Variants in ZNRF3 observed in about 807,000 individuals in gnomAD.
The protein encoded by ZNRF3 is E3 ubiquitin-protein ligase ZNRF3.
ZNRF3 carries 23 observed loss-of-function variants against 72.5 expected under a neutral mutation model. The ratio of observed to expected loss-of-function variants is 0.32; its 90% CI spans 0.23 to 0.45. The LOEUF is 0.45. Ranked by LOEUF, ZNRF3 falls within the 20% of genes least tolerant of loss-of-function variation. ZNRF3 has a pLI of 1.00. For synonymous variants in ZNRF3, 610 were observed against 545.3 expected, an observed-to-expected ratio of 1.12 and a Z score of -1.65; for missense variants, 1,169 against 1,272.1, an observed-to-expected ratio of 0.92 and a Z score of 1.23.
chr22:28,958,504 G>A lies in ZNRF3; in HGVS notation c.301-28572G>A, dbSNP rs139582102. Among the ~76,000 whole-genome samples the A allele has an allele frequency of 7.5e-3, 1,143 of 152,268 alleles. 20 individuals carry two copies. The highest frequency in any genetic ancestry group is 0.027 in the African/African-American group (1,106 of 41,534). On this transcript the variant is annotated intron_variant, in intron 1 of 8. Coordinates refer to ENST00000544604, the MANE Select transcript of ZNRF3 (RefSeq NM_001206998.2). ...TGGGTCCAGCTGACTGTTTCTTTGG[G>A]TCTATGACCTCCTGAGCCCAGGTTC...
At chr22:28,976,913 G>T (rs1460880767) in intron 1 of ZNRF3, among the ~76,000 whole-genome samples, 1 of 152,140 alleles carries the variant, frequency 6.6e-6, no homozygotes, top group East Asian at 1.9e-4. Context: ...CTAAGTGAGG[G>T]TTTGTAAAGT....
intron 2 of ZNRF3, among the ~76,000 whole-genome samples, chr22:29,021,471 C>T (rs1322466300): frequency 6.7e-6 from 1 of 149,244 alleles, no homozygotes; most frequent in African/African-American, 2.5e-5. Flanking sequence ...CAGATTCTCC[C>T]CTCACTCCTT....
chr22:28,942,609 C>T (rs137883552), intron 1 of ZNRF3, among the ~76,000 whole-genome samples: 6 of 152,298 alleles, frequency 3.9e-5, no homozygotes, highest in African/African-American at 9.6e-5. Flanking sequence ...GATTCTCTAG[C>T]GGTCTCTTAC....
chr22:29,036,943 C>T (rs1197821576), intron 2 of ZNRF3, among the ~76,000 whole-genome samples: 2 of 152,304 alleles, frequency 1.3e-5, no homozygotes, highest in Admixed American at 6.5e-5. Flanking sequence ...TTGGGGCTCC[C>T]ATATGTCTGC....
intron 2 of ZNRF3, among the ~76,000 whole-genome samples, chr22:29,005,898 G>C (rs2036234471): frequency 6.6e-6 from 1 of 152,110 alleles, no homozygotes; most frequent in South Asian, 2.1e-4. Flanking sequence ...AGCTGGGCGT[G>C]GTGGTGCATG....
chr22:28,968,155 C>T (rs1486737620), intron 1 of ZNRF3, among the ~76,000 whole-genome samples: 2 of 152,128 alleles, frequency 1.3e-5, no homozygotes, highest in Admixed American at 6.5e-5. Context: ...TATTTTTCTT[C>T]TTCCTCTACT....
intron 1 of ZNRF3, among the ~76,000 whole-genome samples, chr22:28,918,537 C>T (rs1216545642): frequency 6.7e-6 from 1 of 148,746 alleles, no homozygotes; most frequent in Admixed American, 6.7e-5. Context: ...TGCATGTGTG[C>T]GTGTGTGTGT....
At chr22:29,031,205 G>T (rs776445149) in intron 2 of ZNRF3, 4 of 152,246 alleles carry the variant, frequency 2.6e-5, no homozygotes, top group African/African-American at 4.8e-5. Flanking sequence ...TACTTTAAAA[G>T]AAACCAGATA....
chr22:29,050,788 C>T lies in ZNRF3; in HGVS notation c.2607C>T (p.Gly869=), dbSNP rs1217548633. Reference sequence around the variant, plus strand: ...CGGATACCCCACGGCCCCACAGGGGCCTGGGAGCAACCCGGGAAGAGGAGC... The same window carrying T: ...CGGATACCCCACGGCCCCACAGGGGTCTGGGAGCAACCCGGGAAGAGGAGC... ...RGPDTPRPHR[G]LGATREEERA... is the part of the protein sequence containing the mutation. Residue 869 remains glycine, a synonymous_variant, in exon 8 of 9, where the codon GGC becomes GGT. Coordinates refer to ENST00000544604, the MANE Select transcript of ZNRF3 (RefSeq NM_001206998.2). 1 of 1,607,848 alleles carries T rather than the reference C, an allele frequency of 6.2e-7. No individual in the cohort carries two copies.
At chr22:29,043,042 G>T (rs572771814) in intron 3 of ZNRF3, among the ~76,000 whole-genome samples, 6 of 152,172 alleles carry the variant, frequency 3.9e-5, no homozygotes, top group Non-Finnish European at 7.4e-5. Flanking sequence ...CAAAGTGCTG[G>T]GATTATAGGC....
chr22:29,021,396 G>T (rs2036536984), intron 2 of ZNRF3, among the ~76,000 whole-genome samples: 1 of 152,076 alleles, frequency 6.6e-6, no homozygotes, highest in Admixed American at 6.5e-5. Flanking sequence ...ATGGTGAAAG[G>T]TTGTCTGTGT....
chr22:28,959,339 C>T lies in ZNRF3; in HGVS notation c.301-27737C>T, dbSNP rs575193581. Among the ~76,000 whole-genome samples, 9 of 152,306 alleles carry T rather than the reference C, an allele frequency of 5.9e-5. No homozygotes were observed. In the South Asian group the frequency reaches 1.9e-3, roughly 32 times the overall value. ...GCGCCTCCTCTCCTCCTTCTCTTTT[C>T]TTCTGTCTTTCTGGAGGAATAGTCT... On this transcript the variant is annotated intron_variant, in intron 1 of 8. Transcript: ENST00000544604.
At chr22:29,001,037 C>T (rs2036132015) in intron 2 of ZNRF3, among the ~76,000 whole-genome samples, 1 of 149,944 alleles carries the variant, frequency 6.7e-6, no homozygotes, top group South Asian at 2.1e-4. Flanking sequence ...GATCCTCCTG[C>T]CTTGGCCTCC....
At position 29,003,334 on chromosome 22, in the gene ZNRF3, A is replaced by G. The variant is rs548578273; in HGVS notation, c.426+16133A>G. Among the ~76,000 whole-genome samples the G allele has an allele frequency of 3.9e-5, 6 of 152,080 alleles. No homozygotes were observed. In the East Asian group the frequency reaches 1.2e-3, roughly 30 times the overall value. On this transcript the variant is annotated intron_variant, in intron 2 of 8. Coordinates refer to ENST00000544604, the MANE Select transcript of ZNRF3 (RefSeq NM_001206998.2). The stretch of plus-strand genomic sequence containing the variant: ...GATAGAGACCATCCTGGTTAACACG[A>G]TGAAACTCCATCTCTACTTAAAAAA...
chr22:28,896,967 C>T (rs1264835481), intron 1 of ZNRF3, among the ~76,000 whole-genome samples: 1 of 152,200 alleles, frequency 6.6e-6, no homozygotes, highest in Non-Finnish European at 1.5e-5. Context: ...CCAAGTCTCA[C>T]TATGTTGCCT....
At chr22:28,933,723 AC>A (rs1352744836) in intron 1 of ZNRF3, among the ~76,000 whole-genome samples, 1 of 17,122 alleles carries the variant, frequency 5.8e-5, no homozygotes, top group Non-Finnish European at 1.1e-4. Flanking sequence ...CCCCCACCCC[AC>A]CCCCCCCACA....
At chr22:28,937,207 ATATATATATTTTTTTTTTTT>A (rs1327140276) in intron 1 of ZNRF3, among the ~76,000 whole-genome samples, 2 of 2,874 alleles carry the variant, frequency 7.0e-4, no homozygotes, top group South Asian at 0.011. Context: ...ATATATATAT[ATATATATATTTTTTTTTTTT>A]TTTTTTTTTT....
At chr22:28,956,321 T>C (rs1319963396) in intron 1 of ZNRF3, among the ~76,000 whole-genome samples, 1 of 151,876 alleles carries the variant, frequency 6.6e-6, no homozygotes, top group African/African-American at 2.4e-5. Flanking sequence ...TGGCATGTTT[T>C]AGATTTTCCG....
chr22:28,888,869 G>C (rs2123742019), intron 1 of ZNRF3, among the ~76,000 whole-genome samples: 1 of 152,142 alleles, frequency 6.6e-6, no homozygotes, highest in Admixed American at 6.5e-5. Flanking sequence ...TGTAATCCCA[G>C]CACTTTGGGA....
Sources: allele counts gnomAD v4.1 joint callset (sites outside exome capture counted in the v4.1 genomes callset), GRCh38; gene constraint gnomAD v4.1.1; transcripts MANE v1.5; gene names NCBI Gene and HGNC (gene_info 2026-07-23, HGNC 2026-07-21).